Variants in GRIN2A observed in about 807,000 individuals in gnomAD.
The protein encoded by GRIN2A is glutamate ionotropic receptor NMDA type subunit 2A.
GRIN2A carries 22 observed loss-of-function variants against 113.4 expected under a neutral mutation model. That is an observed-to-expected ratio of 0.19 (90% CI 0.14 to 0.28). The LOEUF is 0.28. Ranked by LOEUF, GRIN2A falls within the 10% of genes least tolerant of loss-of-function variation. GRIN2A has a pLI of 1.00. For missense variants in GRIN2A, 1,502 were observed against 1,887.0 expected (o/e 0.80, Z 3.78); for synonymous variants, 827 against 738.4 (o/e 1.12, Z -1.94).
chr16:9,868,826 C>A (rs1375129715), intron 4 of GRIN2A, among the ~76,000 whole-genome samples: 2 of 152,182 alleles, frequency 1.3e-5, no homozygotes, highest in South Asian at 4.1e-4. Flanking sequence ...GTACATTGAG[C>A]TTTTCTCTCA....
intron 2 of GRIN2A, among the ~76,000 whole-genome samples, chr16:9,979,785 C>CTATATATATATATATATACATATA: frequency 8.2e-6 from 1 of 122,344 alleles, no homozygotes; most frequent in Non-Finnish European, 1.7e-5. Flanking sequence ...GACTATGGGA[C>CTATATATATATATATATACATATA]TATATATATA....
chr16:9,760,747 G>T lies in GRIN2A; in HGVS notation c.*2402C>A, dbSNP rs1900546800. 6 of 229,044 alleles carry T rather than the reference G, an allele frequency of 2.6e-5. No individual in the cohort carries two copies. The East Asian group carries it at 3.7e-4, about 14-fold the overall frequency. 14.2% of individuals were successfully genotyped at this position (229,044 alleles called of 1,614,324 possible). A position where few individuals can be genotyped will look rare whatever the true frequency, so the allele number is the denominator to read the frequency against. On this transcript the variant is annotated 3_prime_UTR_variant, in exon 13 of 13. Transcript: ENST00000330684. ...CAGAGGAAGACAGAAAGCCTCTTTG[G>T]CTTGACGACAAATCACTCTTCTGTA...
At chr16:9,969,260 T>A (rs1045159553) in intron 2 of GRIN2A, among the ~76,000 whole-genome samples, 3 of 152,108 alleles carry the variant, frequency 2.0e-5, no homozygotes, top group African/African-American at 7.2e-5. Flanking sequence ...TCACCTCCCT[T>A]TTCTCCTTGA....
intron 4 of GRIN2A, among the ~76,000 whole-genome samples, chr16:9,865,327 C>A (rs968796793): frequency 1.3e-5 from 2 of 152,136 alleles, no homozygotes; most frequent in African/African-American, 4.8e-5. Context: ...AACCAATTAT[C>A]CCCATCTCAG....
intron 2 of GRIN2A, among the ~76,000 whole-genome samples, chr16:9,945,950 C>T (rs1026223226): frequency 1.3e-5 from 2 of 152,114 alleles, no homozygotes; most frequent in Non-Finnish European, 2.9e-5. Flanking sequence ...CACCCAGAGC[C>T]AAGTTTCCCA....
intron 4 of GRIN2A, among the ~76,000 whole-genome samples, chr16:9,878,767 T>C (rs1354856686): frequency 6.6e-6 from 1 of 152,130 alleles, no homozygotes; most frequent in Non-Finnish European, 1.5e-5. Flanking sequence ...AGAGCGCCTG[T>C]TCAACTGCTG....
At chr16:10,098,926 TC>T (rs2048344570) in intron 2 of GRIN2A, among the ~76,000 whole-genome samples, 1 of 136,602 alleles carries the variant, frequency 7.3e-6, no homozygotes, top group Non-Finnish European at 1.6e-5. Context: ...ATACCTACTG[TC>T]CCCCCTCCCC....
intron 2 of GRIN2A, among the ~76,000 whole-genome samples, chr16:10,108,334 C>G (rs770464214): frequency 5.3e-5 from 8 of 152,152 alleles, no homozygotes; most frequent in Non-Finnish European, 1.0e-4. Flanking sequence ...ATTGTGAGAA[C>G]AGCATAAGAA....
intron 10 of GRIN2A, among the ~76,000 whole-genome samples, chr16:9,818,827 A>G (rs990918531): frequency 1.3e-5 from 2 of 152,158 alleles, no homozygotes; most frequent in African/African-American, 4.8e-5. Context: ...CTTTGGAGGG[A>G]GATTTGGCAA....
rs1900657465 is a variant in GRIN2A at position 9,763,055 on chromosome 16, C to A, written c.*94G>T. Reference sequence around the variant, plus strand: ...AAATACCTCCCTACATCTTCTTCCTCTTAGCAGGGCACTATTGGACATCCA... The same window carrying A: ...AAATACCTCCCTACATCTTCTTCCTATTAGCAGGGCACTATTGGACATCCA... On this transcript the variant is annotated 3_prime_UTR_variant, in exon 13 of 13. Coordinates refer to ENST00000330684, the MANE Select transcript of GRIN2A (RefSeq NM_001134407.3). The A allele has an allele frequency of 3.9e-6, 5 of 1,291,600 alleles. No homozygotes were observed. The highest frequency in any genetic ancestry group is 3.3e-6 in the Non-Finnish European group (3 of 903,836). 80.0% of individuals were successfully genotyped at this position (1,291,600 alleles called of 1,614,324 possible).
chr16:10,065,429 A>G (rs1489898217), intron 2 of GRIN2A, among the ~76,000 whole-genome samples: 1 of 152,200 alleles, frequency 6.6e-6, no homozygotes, highest in Non-Finnish European at 1.5e-5. Flanking sequence ...GGAGTCTCTC[A>G]ACTTCAGGTT....
In GRIN2A at chr16:10,068,611, C is replaced by A. The variant is rs549408471; in HGVS notation, c.414+111387G>T. Among the ~76,000 whole-genome samples the A allele has an allele frequency of 1.4e-4, 21 of 152,364 alleles. 1 individual carries two copies. Among genetic ancestry groups the A allele is most frequent in the Admixed American group, 3.3e-4 (5 of 15,308 alleles). ...CCAAACACTTCCCACCAGGCCCCAC[C>A]TCCAACACTGGAGATTACAATTCAA... On this transcript the variant is annotated intron_variant, in intron 2 of 12. Coordinates refer to ENST00000330684, the MANE Select transcript of GRIN2A (RefSeq NM_001134407.3).
chr16:10,070,673 G>C (rs530632634), intron 2 of GRIN2A, among the ~76,000 whole-genome samples: 30 of 152,288 alleles, frequency 2.0e-4, no homozygotes, highest in Non-Finnish European at 3.8e-4. Context: ...CAGATGATAA[G>C]TTTTTAGCAG....
intron 4 of GRIN2A, among the ~76,000 whole-genome samples, chr16:9,883,151 G>C (rs1209532182): frequency 2.0e-5 from 3 of 152,164 alleles, no homozygotes; most frequent in Non-Finnish European, 4.4e-5. Flanking sequence ...ACCTACTTTA[G>C]AAGTGCTATT....
At chr16:10,126,542 G>C (rs1345378324) in intron 2 of GRIN2A, among the ~76,000 whole-genome samples, 3 of 152,098 alleles carry the variant, frequency 2.0e-5, no homozygotes, top group African/African-American at 7.2e-5. Flanking sequence ...TAGCCATTGA[G>C]TTTTTATTCT....
chr16:9,884,592 C>T (rs928961729), intron 4 of GRIN2A, among the ~76,000 whole-genome samples: 12 of 151,652 alleles, frequency 7.9e-5, no homozygotes, highest in Admixed American at 2.6e-4. Flanking sequence ...CTACTATAAC[C>T]CTAAAATGGT....
chr16:9,782,345 A>C (rs1901986683), intron 11 of GRIN2A, among the ~76,000 whole-genome samples: 1 of 152,234 alleles, frequency 6.6e-6, no homozygotes, highest in Admixed American at 6.5e-5. Flanking sequence ...ACACCATTTT[A>C]TATCAGGAAC....
chr16:10,027,106 G>C (rs561720247), intron 2 of GRIN2A, among the ~76,000 whole-genome samples: 2 of 152,292 alleles, frequency 1.3e-5, no homozygotes, highest in Admixed American at 1.3e-4. Flanking sequence ...AAAGAAGACA[G>C]GTTTGTTGAC....
At chr16:10,007,742 C>T (rs578011963) in intron 2 of GRIN2A, among the ~76,000 whole-genome samples, 5 of 152,068 alleles carry the variant, frequency 3.3e-5, no homozygotes, top group African/African-American at 1.2e-4. Context: ...AAGCAAATGG[C>T]CTTTGACAGG....
Sources: gnomAD v4.1 joint callset for allele counts (sites outside exome capture counted in the v4.1 genomes callset) on GRCh38, gnomAD v4.1.1 for gene constraint, MANE v1.5 for transcripts, NCBI Gene and HGNC (gene_info 2026-07-23, HGNC 2026-07-21) for gene names.